Variants in MBNL2 observed in about 807,000 individuals in gnomAD.
MBNL2 encodes the protein muscleblind-like protein 2.
MBNL2 carries 17 observed loss-of-function variants against 41.9 expected under a neutral mutation model. The observed-to-expected ratio is 0.41, with a 90% CI of 0.28 to 0.61. The LOEUF (loss-of-function observed/expected upper bound fraction) is 0.61, where lower values mean the gene tolerates loss of function less well. MBNL2 is among the 20% of genes least tolerant of loss of function. MBNL2 has a pLI of 0.35. For missense variants in MBNL2, 336 were observed against 505.6 expected (o/e 0.66, Z 3.22); for synonymous variants, 195 against 182.9 (o/e 1.07, Z -0.53).
intron 2 of MBNL2, among the ~76,000 whole-genome samples, chr13:97,289,497 G>T (rs902598613): frequency 1.2e-4 from 18 of 152,024 alleles, no homozygotes; most frequent in African/African-American, 3.9e-4. Context: ...AGTTGGGATA[G>T]CTGGAAAATA....
chr13:97,227,873 A>G (rs578252036), intron 1 of MBNL2, among the ~76,000 whole-genome samples: 231 of 152,284 alleles, frequency 1.5e-3, no homozygotes, highest in Admixed American at 2.2e-3. Flanking sequence ...TAGGCATTCA[A>G]GCACAAAACC....
chr13:97,344,610 T>G (rs574752384), intron 4 of MBNL2, among the ~76,000 whole-genome samples: 12 of 152,364 alleles, frequency 7.9e-5, no homozygotes, highest in African/African-American at 2.6e-4. Flanking sequence ...TCAATCTGGA[T>G]GCCCAGATGA....
At chr13:97,168,344 T>C in the MBNL2 span, among the ~76,000 whole-genome samples, 2 of 152,168 alleles carry the variant, frequency 1.3e-5, no homozygotes, top group Non-Finnish European at 2.9e-5. Context: ...TCTAATTAAT[T>C]CCTAAATTAA....
At chr13:97,227,327 T>G (rs1230495765) in intron 1 of MBNL2, among the ~76,000 whole-genome samples, 1 of 152,068 alleles carries the variant, frequency 6.6e-6, no homozygotes, top group Non-Finnish European at 1.5e-5. Context: ...GTAGAAGAGC[T>G]CCAGGGTGGT....
chr13:97,232,851 ATGTGTGTGTGTGTGTGTG>A (rs34769353), intron 1 of MBNL2, among the ~76,000 whole-genome samples: 6 of 130,584 alleles, frequency 4.6e-5, no homozygotes, highest in East Asian at 2.3e-4. Flanking sequence ...TCTTGACGCT[ATGTGTGTGTGTGTGTGTG>A]TGTGTGTGTG....
At chr13:97,373,605 A>AAAAT (rs375523597) in intron 8 of MBNL2, among the ~76,000 whole-genome samples, 1 of 145,390 alleles carries the variant, frequency 6.9e-6, no homozygotes, top group African/African-American at 2.5e-5. Context: ...GTATGCTAAA[A>AAAAT]ATATATATAT....
chr13:97,283,378 TCACCTCCAGTGC>T (rs781663577), intron 2 of MBNL2, among the ~76,000 whole-genome samples: 1 of 152,176 alleles, frequency 6.6e-6, no homozygotes, highest in Non-Finnish European at 1.5e-5. Flanking sequence ...TGGCCCATTG[TCACCTCCAGTGC>T]CACATCTCTA....
chr13:97,185,383 C>T, the MBNL2 span, among the ~76,000 whole-genome samples: 1 of 152,200 alleles, frequency 6.6e-6, no homozygotes, highest in African/African-American at 2.4e-5. Context: ...GCTGAATAAT[C>T]ACTCTCCCAA....
At chr13:97,232,922 TGATG>T (rs2042604063) in intron 1 of MBNL2, among the ~76,000 whole-genome samples, 1 of 147,734 alleles carries the variant, frequency 6.8e-6, no homozygotes, top group Non-Finnish European at 1.5e-5. Context: ...TTAAACAACT[TGATG>T]GATCTCAACA....
the MBNL2 span, among the ~76,000 whole-genome samples, chr13:97,160,159 A>G: frequency 2.0e-5 from 3 of 152,172 alleles, no homozygotes. Context: ...GTTACGGGAA[A>G]GCTCTCTGTT....
At chr13:97,352,540 C>T (rs2062596466) in intron 5 of MBNL2, among the ~76,000 whole-genome samples, 1 of 151,700 alleles carries the variant, frequency 6.6e-6, no homozygotes, top group Non-Finnish European at 1.5e-5. Flanking sequence ...TCATGGTGCC[C>T]CAAAACAATT....
chr13:97,233,408 C>T (rs922683307), intron 1 of MBNL2, among the ~76,000 whole-genome samples: 1 of 143,602 alleles, frequency 7.0e-6, no homozygotes, highest in Non-Finnish European at 1.5e-5. Context: ...AGTGCTCTGC[C>T]TGCTCCTGCG....
Position 97,276,361 on chromosome 13 carries a change from T to C in MBNL2, c.126T>C (p.Ser42=), listed in dbSNP as rs36010428. Residue 42 remains serine (S), a synonymous_variant, in exon 2 of 9, where the codon AGT becomes AGC. Transcript: ENST00000679496. ...GCAAATTTGCTCATCCCCCCAAAAG[T>C]TGTCAGGTTGAAAATGGAAGAGTAA... ...EECKFAHPPK[S]CQVENGRVIA... is the part of the protein sequence containing the mutation. 9.0e-3 allele frequency: 14,573 copies of C among 1,614,032 alleles called. 95 individuals carry two copies. Among genetic ancestry groups the C allele is most frequent in the Non-Finnish European group, 0.011 (12,585 of 1,179,948 alleles).
chr13:97,384,392 A>G (rs567067615), intron 8 of MBNL2, among the ~76,000 whole-genome samples: 4 of 152,360 alleles, frequency 2.6e-5, no homozygotes, highest in African/African-American at 9.6e-5. Context: ...ACTGGAGTCA[A>G]AATGTACACA....
In MBNL2 at chr13:97,350,248, TA is replaced by T. The variant is rs201469209; in HGVS notation, c.804+3185del. Among the ~76,000 whole-genome samples, 947 of 152,332 alleles carry T rather than the reference TA, an allele frequency of 6.2e-3. 3 individuals carry two copies. Among genetic ancestry groups the T allele is most frequent in the South Asian group, 0.018 (88 of 4,826 alleles). On this transcript the variant is annotated intron_variant, in intron 5 of 8. Coordinates refer to ENST00000679496, the MANE Select transcript of MBNL2 (RefSeq NM_001382683.1). ...GAAGAATATATACACACCTTAATTT[TA>T]AAATGTTGCTTAAAAGATGCTAACC...
the MBNL2 span, among the ~76,000 whole-genome samples, chr13:97,148,390 C>A: frequency 2.0e-5 from 3 of 151,906 alleles, no homozygotes; most frequent in South Asian, 6.2e-4. Context: ...ACATACCATT[C>A]ATTATATATT....
the MBNL2 span, among the ~76,000 whole-genome samples, chr13:97,190,637 G>A: frequency 6.6e-6 from 1 of 152,204 alleles, no homozygotes; most frequent in East Asian, 1.9e-4. Flanking sequence ...CTCTGAGCCT[G>A]ATATTCTCAT....
chr13:97,325,904 G>T (rs1192662249), intron 2 of MBNL2, among the ~76,000 whole-genome samples: 1 of 152,114 alleles, frequency 6.6e-6, no homozygotes. Flanking sequence ...GAAAGAAGAG[G>T]GCAGTTGCAT....
intron 7 of MBNL2, among the ~76,000 whole-genome samples, chr13:97,361,337 G>C (rs990094535): frequency 2.6e-5 from 4 of 152,216 alleles, no homozygotes; most frequent in African/African-American, 9.6e-5. Context: ...CATGGGAAGA[G>C]TGTACTTGAA....
Sources: gnomAD v4.1 joint callset for allele counts (sites outside exome capture counted in the v4.1 genomes callset) on GRCh38, gnomAD v4.1.1 for gene constraint, MANE v1.5 for transcripts, NCBI Gene and HGNC (gene_info 2026-07-23, HGNC 2026-07-21) for gene names.